Variants in NRBP2 observed in about 807,000 individuals in gnomAD.
NRBP2 encodes nuclear receptor-binding protein 2.
A neutral mutation model predicts 74.4 loss-of-function variants in NRBP2; 47 were observed. That is an observed-to-expected ratio of 0.63 (90% CI 0.50 to 0.81). The LOEUF (loss-of-function observed/expected upper bound fraction) is 0.81. Among genes scored for constraint, NRBP2 ranks in the 30% least tolerant of loss-of-function variants. NRBP2 has a pLI of 0.00. For synonymous variants in NRBP2, 312 were observed against 273.8 expected, an observed-to-expected ratio of 1.14 and a Z score of -1.38; for missense variants, 613 against 690.1, an observed-to-expected ratio of 0.89 and a Z score of 1.25.
rs781982936 is a variant in NRBP2 at position 143,838,682 on chromosome 8, G to C, written c.838C>G (p.Arg280Gly). ...ARHSLSDPNM[R>G]EFILCCLARD... ...GAGGGGCAGGGCAAGCTGCTTACCC[G>C]CATGTTGGGGTCACTCAGCGAGTGC... Residue 280 changes from arginine to glycine, a missense_variant and splice_region_variant, in exon 10 of 18, where the codon CGG (arginine) becomes GGG (glycine). Physicochemically the swap from Arg to Gly is moderately radical, Grantham distance 125. Transcript: ENST00000442628. The C allele has an allele frequency of 6.2e-7, 1 of 1,604,264 alleles. No individual in the cohort carries two copies. The highest frequency in any genetic ancestry group is 1.7e-5 in the Admixed American group (1 of 59,232).
At position 143,835,431 on chromosome 8, in the gene NRBP2, C is replaced by G. The variant is rs1468873584; in HGVS notation, c.*231G>C. 12 of 630,396 alleles carry G rather than the reference C, an allele frequency of 1.9e-5. No homozygotes were observed. Among genetic ancestry groups the G allele is most frequent in the Non-Finnish European group, 3.4e-5 (12 of 356,338 alleles). 39.1% of individuals were successfully genotyped at this position (630,396 alleles called of 1,614,324 possible). A position where few individuals can be genotyped will look rare whatever the true frequency, so the allele number is the denominator to read the frequency against. ...TATGGGAAGGGGTTCTGGGGGCAAC[C>G]CTGATCCTAAGGACCTGGGAGGCCT... On this transcript the variant is annotated 3_prime_UTR_variant, in exon 18 of 18. Coordinates refer to ENST00000442628, the MANE Select transcript of NRBP2 (RefSeq NM_178564.4). The surrounding 1 kb of genome is among the most constrained non-coding windows in gnomAD (Gnocchi z 4.9).
At position 143,840,892 on chromosome 8, in the gene NRBP2, C is replaced by T; in HGVS notation, c.-58G>A. The T allele has an allele frequency of 8.0e-7, 1 of 1,251,700 alleles. No homozygotes were observed. The highest frequency in any genetic ancestry group is 1.0e-6 in the Non-Finnish European group (1 of 1,003,992). The allele number at this position is 1,251,700 out of a possible 1,614,324, so 77.5% of individuals were successfully genotyped here. ...CGATCCGCCGCCGGCGCAGCCTCTC[C>T]CGGCCCGCCCTGGCCTCGCGCCCAG... On this transcript the variant is annotated 5_prime_UTR_variant, in exon 1 of 18. Coordinates refer to ENST00000442628, the MANE Select transcript of NRBP2 (RefSeq NM_178564.4). The surrounding 1 kb of genome is among the most constrained non-coding windows in gnomAD (Gnocchi z 5.7).
At chr8:143,836,245 G>A (rs1554651754) in intron 14 of NRBP2, 65 bp from the exon 15 acceptor site, 4 of 1,453,072 alleles carry the variant, frequency 2.8e-6, no homozygotes, top group South Asian at 2.9e-5. Flanking sequence ...GGCCCCAAAG[G>A]GGCCGGGAAG....
chr8:143,836,099 C>T (rs781811654), intron 15 of NRBP2, 28 bp downstream of exon 15: 2 of 1,596,254 alleles, frequency 1.3e-6, no homozygotes, highest in Non-Finnish European at 1.7e-6. Context: ...TTCCCCACGG[C>T]AGCGCCGCCC....
intron 8 of NRBP2, 36 bp downstream of exon 8, chr8:143,838,981 G>A (rs782195365): frequency 1.9e-6 from 3 of 1,564,226 alleles, no homozygotes; most frequent in Admixed American, 1.9e-5. Context: ...AGAAGCGCAG[G>A]GTAGGCACGG....
intron 14 of NRBP2, among the ~76,000 whole-genome samples, chr8:143,836,619 G>T (rs947197988): frequency 6.7e-6 from 1 of 149,776 alleles, no homozygotes; most frequent in Non-Finnish European, 1.5e-5. Flanking sequence ...TGGCCAGGAG[G>T]GGGTGCTGCA....
At position 143,839,541 on chromosome 8, in the gene NRBP2, C is replaced by A. The variant is rs1818598622; in HGVS notation, c.453G>T (p.Lys151Asn). 6.5e-6 allele frequency: 10 copies of A among 1,531,706 alleles called. No homozygotes were observed. Among genetic ancestry groups the A allele is most frequent in the Non-Finnish European group, 8.7e-6 (10 of 1,145,256 alleles). 94.9% of individuals were successfully genotyped at this position (1,531,706 alleles called of 1,614,324 possible). Residue 151 changes from lysine to asparagine, a missense_variant, in exon 5 of 18, where the codon AAG (lysine) becomes AAT (asparagine). Lys to Asn is a moderately conservative substitution (Grantham distance 94). This residue lies in a region of NRBP2 where 332 missense variants were observed against 429.2 expected (regional missense o/e 0.77). Transcript: ENST00000442628. This position sits in a 1 kb window ranked among gnomAD's most constrained non-coding sequence, Gnocchi z 5.1. ...NHKAMNARAW[K>N]RWCTQILSAL... ...CAGACAGGATCTGCGTGCACCAGCG[C>A]TTCCAGGCCTGGCGGCGGACGCACG...
At chr8:143,838,127 C>A (rs1317645231) in intron 10 of NRBP2, 1 of 459,242 alleles carries the variant, frequency 2.2e-6, no homozygotes, top group Non-Finnish European at 4.0e-6. Context: ...ACATCCGTGC[C>A]CAGCCCGGCT....
intron 14 of NRBP2, among the ~76,000 whole-genome samples, chr8:143,836,687 G>A (rs1282941200): frequency 1.4e-5 from 2 of 142,994 alleles, no homozygotes; most frequent in Non-Finnish European, 3.1e-5. Flanking sequence ...CCAGGTGGGG[G>A]ATGGGAGGGG....
At chr8:143,830,082 C>T (rs6993562), downstream of NRBP2, among the ~76,000 whole-genome samples, 296 of 152,360 alleles carry the variant, frequency 1.9e-3, 1 homozygote, top group Admixed American at 3.9e-3. Flanking sequence ...CAAGGCATCC[C>T]GGGCAGGCCT....
chr8:143,832,487 C>T (rs529886355), downstream of NRBP2, among the ~76,000 whole-genome samples: 1 of 152,336 alleles, frequency 6.6e-6, no homozygotes, highest in Admixed American at 6.5e-5. Context: ...GCATCTGTCT[C>T]CTGCCCGTCC....
Position 143,839,107 on chromosome 8 carries a change from G to C in NRBP2, c.605-7C>G, listed in dbSNP as rs55864230. 2.6e-6 allele frequency: 4 copies of C among 1,520,134 alleles called. No homozygotes were observed. The highest frequency in any genetic ancestry group is 1.7e-4 in the Middle Eastern group (1 of 5,906). The allele number at this position is 1,520,134 out of a possible 1,614,324, so 94.2% of individuals were successfully genotyped here. A position where few individuals can be genotyped will look rare whatever the true frequency, so the allele number is the denominator to read the frequency against. On this transcript the variant is annotated splice_polypyrimidine_tract_variant and splice_region_variant and intron_variant, in intron 7 of 17. Transcript: ENST00000442628. The surrounding 1 kb of genome is among the most constrained non-coding windows in gnomAD (Gnocchi z 5.1). ...CGGAGATCATCTGGAAGTGCTGTGG[G>C]AGGGCGCAGAGCTGAGCGGGCGGGG...
rs1818554802 is a variant in NRBP2, at chr8:143,838,911, A to C, written c.716T>G (p.Ile239Ser). The change falls in exon 9 of 18, where the codon ATC becomes AGC. Residue 239 changes from isoleucine to serine, a missense_variant. Physicochemically the swap from Ile to Ser is moderately radical, Grantham distance 142. Around this residue, in one of 2 missense-constraint regions of NRBP2, gnomAD observed 332 missense variants for 429.2 expected, o/e 0.77. Coordinates refer to ENST00000442628, the MANE Select transcript of NRBP2 (RefSeq NM_178564.4). Reference sequence around the variant, plus strand: ...CAGCGCACACATCCCAAAGGAGAAGATGTCCACAGCGGTCCCATCGGCCAC... The same window carrying C: ...CAGCGCACACATCCCAAAGGAGAAGCTGTCCACAGCGGTCCCATCGGCCAC... ...GEVADGTAVD[I>S]FSFGMCALEM... 1 of 1,612,094 alleles carries C rather than the reference A, an allele frequency of 6.2e-7. No individual in the cohort carries two copies. The highest frequency in any genetic ancestry group is 1.7e-5 in the Admixed American group (1 of 59,774).
Position 143,840,787 on chromosome 8 carries a change from C to T in NRBP2, c.48G>A (p.Arg16=). The T allele has an allele frequency of 1.3e-6, 2 of 1,505,850 alleles. No individual in the cohort carries two copies. The highest frequency in any genetic ancestry group is 2.1e-5 in the Admixed American group (1 of 48,576). 93.3% of individuals were successfully genotyped at this position (1,505,850 alleles called of 1,614,324 possible). A position where few individuals can be genotyped will look rare whatever the true frequency, so the allele number is the denominator to read the frequency against. The stretch of plus-strand genomic sequence containing the variant: ...CGTCCTCGCTCTCGTCCTCCCGCTC[C>T]CGCTCCCGTTCCCGGGCCCGCCTCG... ...PAPRRARERE[R]EREDESEDES... Residue 16 remains arginine, a synonymous_variant, in exon 1 of 18, where the codon CGG becomes CGA. Coordinates refer to ENST00000442628, the MANE Select transcript of NRBP2 (RefSeq NM_178564.4). This position sits in a 1 kb window ranked among gnomAD's most constrained non-coding sequence, Gnocchi z 5.7.
At chr8:143,831,808 G>A (rs1174773514), downstream of NRBP2, among the ~76,000 whole-genome samples, 2 of 152,208 alleles carry the variant, frequency 1.3e-5, no homozygotes, top group African/African-American at 4.8e-5. Flanking sequence ...CCAAGTAATG[G>A]GGCAAAGAAA....
In NRBP2 at chr8:143,837,485, T is replaced by A; in HGVS notation, c.998A>T (p.Glu333Val). 1 of 1,611,064 alleles carries A rather than the reference T, an allele frequency of 6.2e-7. No homozygotes were observed. The highest frequency in any genetic ancestry group is 8.5e-7 in the Non-Finnish European group (1 of 1,179,134). The stretch of plus-strand genomic sequence containing the variant: ...CAGGTCCATGGCCTTGGTCTTCTCC[T>A]CCACCACATTCTCAGGCATGAGGTC... ...HQYLMPENVVEEKTKAMDLHA... is the reference protein window; with the variant it reads ...HQYLMPENVVVEKTKAMDLHA... The change falls in exon 12 of 18, where the codon GAG becomes GTG. Residue 333 changes from glutamate (E) to valine (V), a missense_variant. Coordinates refer to ENST00000442628, the MANE Select transcript of NRBP2 (RefSeq NM_178564.4). This position sits in a 1 kb window ranked among gnomAD's most constrained non-coding sequence, Gnocchi z 4.3.
chr8:143,831,469 A>G (rs1554650250), downstream of NRBP2, among the ~76,000 whole-genome samples: 1 of 152,176 alleles, frequency 6.6e-6, no homozygotes, highest in Non-Finnish European at 1.5e-5. Context: ...TAATTTTAAA[A>G]AACCAGCTGG....
At position 143,839,807 on chromosome 8, in the gene NRBP2, A is replaced by G; in HGVS notation, c.373T>C (p.Tyr125His). Residue 125 changes from tyrosine to histidine, a missense_variant, in exon 4 of 18, where the codon TAC (tyrosine) becomes CAC (histidine). Physicochemically the swap from Tyr to His is moderately conservative, Grantham distance 83. Around this residue, in one of 2 missense-constraint regions of NRBP2, gnomAD observed 332 missense variants for 429.2 expected, o/e 0.77. Coordinates refer to ENST00000442628, the MANE Select transcript of NRBP2 (RefSeq NM_178564.4). The surrounding 1 kb of genome is among the most constrained non-coding windows in gnomAD (Gnocchi z 5.1). The stretch of plus-strand genomic sequence containing the variant: ...TGCTTGAGGCTGCCTGATGACACGT[A>G]CTCTGTGATGAAGATGACCTGCACG... Reference protein sequence around the residue: ...ACARVIFITEYVSSGSLKQFL... With the variant: ...ACARVIFITEHVSSGSLKQFL... 1 of 1,535,652 alleles carries G rather than the reference A, an allele frequency of 6.5e-7. No homozygotes were observed. The highest frequency in any genetic ancestry group is 1.4e-5 in the African/African-American group (1 of 72,974).
chr8:143,837,851 TCCTC>T lies in NRBP2; in HGVS notation c.841-100_841-97del. ...GTGGCCCCTGAGTTCCCCATGTCCCTCCTCAGGGACACACAGGACATGCAGGGAT... is the reference window on the plus strand; with the variant it reads ...GTGGCCCCTGAGTTCCCCATGTCCCTAGGGACACACAGGACATGCAGGGAT... On this transcript the variant is annotated intron_variant, in intron 10 of 17. Coordinates refer to ENST00000442628, the MANE Select transcript of NRBP2 (RefSeq NM_178564.4). This position sits in a 1 kb window ranked among gnomAD's most constrained non-coding sequence, Gnocchi z 4.3. 6 of 1,454,850 alleles carry T rather than the reference TCCTC, an allele frequency of 4.1e-6. No individual in the cohort carries two copies. The highest frequency in any genetic ancestry group is 2.5e-5 in the East Asian group (1 of 40,474). The allele number at this position is 1,454,850 out of a possible 1,614,324, so 90.1% of individuals were successfully genotyped here. A position where few individuals can be genotyped will look rare whatever the true frequency, so the allele number is the denominator to read the frequency against.
Sources: gnomAD v4.1 joint callset for allele counts (sites outside exome capture counted in the v4.1 genomes callset) on GRCh38, gnomAD v4.1.1 for gene constraint, gnomAD v4.1.1 regional missense constraint, Gnocchi (gnomAD v3.1) non-coding constraint, MANE v1.5 for transcripts, NCBI Gene and HGNC (gene_info 2026-07-23, HGNC 2026-07-21) for gene names.